Variants in CHST11 observed in about 807,000 individuals in gnomAD.
The protein encoded by CHST11 is carbohydrate sulfotransferase 11, also known as C4S-1.
A neutral mutation model predicts 30.4 loss-of-function variants in CHST11; 9 were observed. That is an observed-to-expected ratio of 0.30 (90% CI 0.18 to 0.52). The LOEUF (loss-of-function observed/expected upper bound fraction) is 0.52, where lower values mean the gene tolerates loss of function less well. CHST11 is among the 20% of genes least tolerant of loss of function. The pLI is 0.97. For missense variants in CHST11, 348 were observed against 460.6 expected (o/e 0.76, Z 2.24); for synonymous variants, 152 against 187.8 (o/e 0.81, Z 1.56).
At chr12:104,656,090 G>C (rs907704422) in intron 2 of CHST11, among the ~76,000 whole-genome samples, 1 of 152,200 alleles carries the variant, frequency 6.6e-6, no homozygotes, top group Non-Finnish European at 1.5e-5. Context: ...CGAACAAACC[G>C]TAAAAGATTT....
chr12:104,670,822 CAT>C (rs2039688865), intron 2 of CHST11, among the ~76,000 whole-genome samples: 1 of 151,182 alleles, frequency 6.6e-6, no homozygotes, highest in South Asian at 2.1e-4. Flanking sequence ...CACACCCACA[CAT>C]ACATTCTCAC....
chr12:104,479,700 T>G (rs984680525), intron 1 of CHST11, among the ~76,000 whole-genome samples: 1 of 152,128 alleles, frequency 6.6e-6, no homozygotes, highest in Admixed American at 6.5e-5. Context: ...TGCTAGGAAG[T>G]TTTTTGCCAC....
At chr12:104,467,261 G>A (rs938291400) in intron 1 of CHST11, among the ~76,000 whole-genome samples, 4 of 152,138 alleles carry the variant, frequency 2.6e-5, no homozygotes, top group Admixed American at 1.3e-4. Context: ...GTTGTTTGTG[G>A]CCATTTGTAT....
At chr12:104,607,390 A>G (rs1438801578) in intron 2 of CHST11, among the ~76,000 whole-genome samples, 1 of 152,206 alleles carries the variant, frequency 6.6e-6, no homozygotes, top group African/African-American at 2.4e-5. Context: ...TGTTCCTTCT[A>G]TGGACACTTG....
At chr12:104,695,300 T>A (rs939619443) in intron 2 of CHST11, among the ~76,000 whole-genome samples, 1 of 152,162 alleles carries the variant, frequency 6.6e-6, no homozygotes, top group African/African-American at 2.4e-5. Context: ...CTCCAAGGCC[T>A]GATAGTTTGA....
chr12:104,662,754 G>A (rs1358472877), intron 2 of CHST11, among the ~76,000 whole-genome samples: 3 of 152,200 alleles, frequency 2.0e-5, no homozygotes, highest in Non-Finnish European at 4.4e-5. Context: ...GAGGAGGAGG[G>A]TCTGTTTTTG....
intron 2 of CHST11, among the ~76,000 whole-genome samples, chr12:104,683,209 G>A (rs574364953): frequency 1.4e-4 from 21 of 152,280 alleles, no homozygotes; most frequent in South Asian, 1.0e-3. Flanking sequence ...TGCTCAGTGC[G>A]AGACAACCCA....
intron 1 of CHST11, among the ~76,000 whole-genome samples, chr12:104,558,467 C>T (rs778921168): frequency 1.3e-5 from 2 of 151,906 alleles, no homozygotes; most frequent in Non-Finnish European, 1.5e-5. Context: ...GTACCCTCTC[C>T]GCCCCTCCCC....
intron 1 of CHST11, among the ~76,000 whole-genome samples, chr12:104,480,098 G>A (rs1397664802): frequency 6.6e-6 from 1 of 152,158 alleles, no homozygotes; most frequent in Non-Finnish European, 1.5e-5. Flanking sequence ...TGCTGCAAAA[G>A]GTTCTATACT....
At chr12:104,486,955 C>T (rs2037685316) in intron 1 of CHST11, among the ~76,000 whole-genome samples, 1 of 152,156 alleles carries the variant, frequency 6.6e-6, no homozygotes. Flanking sequence ...GAGGCATGCC[C>T]AGATAGAGTT....
At chr12:104,657,181 T>C (rs2039552478) in intron 2 of CHST11, among the ~76,000 whole-genome samples, 1 of 152,196 alleles carries the variant, frequency 6.6e-6, no homozygotes, top group South Asian at 2.1e-4. Context: ...GGAATCATAT[T>C]TCCTGGTTTA....
chr12:104,670,594 C>T (rs985432547), intron 2 of CHST11, among the ~76,000 whole-genome samples: 1 of 149,834 alleles, frequency 6.7e-6, no homozygotes, highest in Non-Finnish European at 1.5e-5. Flanking sequence ...CTCATACACA[C>T]ACTCCCACAC....
chr12:104,583,803 C>T (rs2038772937), intron 1 of CHST11, among the ~76,000 whole-genome samples: 1 of 151,904 alleles, frequency 6.6e-6, no homozygotes, highest in African/African-American at 2.4e-5. Flanking sequence ...ACCTCTGCCT[C>T]CTGGGTTCAA....
intron 2 of CHST11, among the ~76,000 whole-genome samples, chr12:104,643,352 C>T (rs541873774): frequency 1.1e-4 from 16 of 152,162 alleles, no homozygotes; most frequent in Non-Finnish European, 2.1e-4. Flanking sequence ...AACAAAAAAC[C>T]GCAAACCTTG....
intron 1 of CHST11, among the ~76,000 whole-genome samples, chr12:104,461,141 C>T (rs569668344): frequency 1.9e-4 from 29 of 152,270 alleles, no homozygotes; most frequent in African/African-American, 5.8e-4. Context: ...AACTGTGACA[C>T]GGACCCAGTT....
At chr12:104,718,199 C>T (rs1310774219) in intron 2 of CHST11, among the ~76,000 whole-genome samples, 1 of 152,186 alleles carries the variant, frequency 6.6e-6, no homozygotes, top group Non-Finnish European at 1.5e-5. Flanking sequence ...CAGTTGTCAG[C>T]CCCATTTGAC....
intron 2 of CHST11, among the ~76,000 whole-genome samples, chr12:104,733,968 G>A (rs1314496036): frequency 6.6e-6 from 1 of 152,236 alleles, no homozygotes; most frequent in Non-Finnish European, 1.5e-5. Context: ...GTGTGTGCCT[G>A]TGGGGGCTGC....
intron 2 of CHST11, among the ~76,000 whole-genome samples, chr12:104,633,060 C>G (rs2039287517): frequency 6.6e-6 from 1 of 152,232 alleles, no homozygotes; most frequent in Non-Finnish European, 1.5e-5. Context: ...GGTGAGAGCT[C>G]TTCCATCCGG....
At chr12:104,518,500 T>A (rs2038046736) in intron 1 of CHST11, among the ~76,000 whole-genome samples, 1 of 152,170 alleles carries the variant, frequency 6.6e-6, no homozygotes. Context: ...GCAAATACGA[T>A]GTCTGTGCAC....
Sources: gnomAD v4.1 joint callset for allele counts (sites outside exome capture counted in the v4.1 genomes callset) on GRCh38, gnomAD v4.1.1 for gene constraint, MANE v1.5 for transcripts, NCBI Gene and HGNC (gene_info 2026-07-23, HGNC 2026-07-21) for gene names.